ASTN2: variants seen among roughly 807,000 people sequenced by gnomAD.
The protein encoded by ASTN2 is astrotactin-2.
Under a neutral mutation model 139.8 loss-of-function variants are expected in ASTN2, and 54 were observed. The observed-to-expected ratio is 0.39, with a 90% CI of 0.31 to 0.48. ASTN2 has a LOEUF of 0.48. Among genes scored for constraint, ASTN2 ranks in the 20% least tolerant of loss-of-function variants. The pLI is 0.95. For synonymous variants in ASTN2, 756 were observed against 719.5 expected (o/e 1.05, Z -0.81); for missense variants, 1,565 against 1,725.1 (o/e 0.91, Z 1.64).
rs1278577095 is a variant in ASTN2 at position 116,659,460 on chromosome 9, GTTTTA to G, written c.2807-7672_2807-7668del. 1.2e-4 allele frequency among the ~76,000 whole-genome samples: 19 copies of G among 152,144 alleles called. No homozygotes were observed. In the South Asian group the frequency reaches 3.1e-3, roughly 25 times the overall value. On this transcript the variant is annotated intron_variant, in intron 16 of 22. Coordinates refer to ENST00000313400, the MANE Select transcript of ASTN2 (RefSeq NM_001365068.1). ...ACAGCCCCAAAGACAGTTGGTCTTT[GTTTTA>G]TTTTATTAATGTACACTTGATAGAT...
chr9:116,810,161 G>A (rs1204517819), intron 12 of ASTN2, among the ~76,000 whole-genome samples: 2 of 152,122 alleles, frequency 1.3e-5, no homozygotes, highest in African/African-American at 4.8e-5. Context: ...TCCTAATACA[G>A]CATCTTTATA....
intron 19 of ASTN2, among the ~76,000 whole-genome samples, chr9:116,523,686 G>C (rs1330116033): frequency 6.6e-6 from 1 of 152,126 alleles, no homozygotes; most frequent in Admixed American, 6.5e-5. Flanking sequence ...GCAAAGAAGA[G>C]GCTCTGAGGG....
At chr9:117,274,857 C>T in intron 2 of ASTN2, among the ~76,000 whole-genome samples, 1 of 152,186 alleles carries the variant, frequency 6.6e-6, no homozygotes, top group East Asian at 1.9e-4. Flanking sequence ...ACTCTTATAA[C>T]CCCAGATAAC....
chr9:116,444,866 C>T (rs1005221445), intron 20 of ASTN2, among the ~76,000 whole-genome samples: 3 of 152,100 alleles, frequency 2.0e-5, no homozygotes, highest in African/African-American at 7.2e-5. Context: ...AATGTAAGTG[C>T]ACTATGAGGT....
chr9:117,004,587 G>T (rs2132578134), intron 7 of ASTN2, among the ~76,000 whole-genome samples: 1 of 152,280 alleles, frequency 6.6e-6, no homozygotes, highest in East Asian at 1.9e-4. Flanking sequence ...CCATTGAGAG[G>T]TGAAGAAATC....
chr9:116,679,377 G>C (rs537587143), intron 16 of ASTN2, among the ~76,000 whole-genome samples: 1 of 152,242 alleles, frequency 6.6e-6, no homozygotes, highest in Admixed American at 6.5e-5. Context: ...AAGAAGCACT[G>C]TCAAATAGGA....
chr9:117,049,740 T>C (rs981597764), intron 5 of ASTN2, among the ~76,000 whole-genome samples: 2 of 152,024 alleles, frequency 1.3e-5, no homozygotes, highest in Non-Finnish European at 2.9e-5. Flanking sequence ...TAGAAGAAAA[T>C]AGAATTTTAA....
At chr9:117,140,130 T>C (rs1381542898) in intron 4 of ASTN2, among the ~76,000 whole-genome samples, 3 of 152,210 alleles carry the variant, frequency 2.0e-5, no homozygotes, top group Non-Finnish European at 2.9e-5. Flanking sequence ...GCATATATCA[T>C]TTAAGCTGTT....
chr9:116,762,323 C>T (rs1254578719), intron 13 of ASTN2, among the ~76,000 whole-genome samples: 1 of 152,160 alleles, frequency 6.6e-6, no homozygotes, highest in Non-Finnish European at 1.5e-5. Context: ...CTTCAGTTTC[C>T]ACATCTCTGA....
chr9:116,925,515 G>C (rs1036569305), intron 10 of ASTN2, among the ~76,000 whole-genome samples: 3 of 152,174 alleles, frequency 2.0e-5, no homozygotes, highest in Non-Finnish European at 4.4e-5. Flanking sequence ...ACATGCAGAT[G>C]TATGTGTGTA....
At chr9:116,480,987 C>G (rs1338202377) in intron 20 of ASTN2, among the ~76,000 whole-genome samples, 1 of 152,190 alleles carries the variant, frequency 6.6e-6, no homozygotes, top group Non-Finnish European at 1.5e-5. Flanking sequence ...ATTTGGTAAG[C>G]ACTGACAATG....
intron 20 of ASTN2, among the ~76,000 whole-genome samples, chr9:116,486,296 ATAAG>A (rs1192361410): frequency 9.8e-5 from 15 of 152,356 alleles, no homozygotes; most frequent in Middle Eastern, 3.4e-3. Flanking sequence ...TGTCTAGTGA[ATAAG>A]TAAATAAGTT....
At chr9:116,975,635 C>T (rs984203662) in intron 9 of ASTN2, among the ~76,000 whole-genome samples, 5 of 152,174 alleles carry the variant, frequency 3.3e-5, no homozygotes, top group African/African-American at 1.2e-4. Context: ...TTCCAGCAGT[C>T]CTGACATACA....
intron 1 of ASTN2, among the ~76,000 whole-genome samples, chr9:117,357,275 C>T (rs983836816): frequency 6.6e-6 from 1 of 151,970 alleles, no homozygotes; most frequent in Non-Finnish European, 1.5e-5. Flanking sequence ...CACAATTTTA[C>T]AATATTTTAA....
In ASTN2 at chr9:116,453,229, A is replaced by T. The variant is rs74586804; in HGVS notation, c.3498-10676T>A. 0.013 allele frequency among the ~76,000 whole-genome samples: 1,969 copies of T among 152,220 alleles called. 181 individuals carry two copies. In the South Asian group the frequency reaches 0.21, roughly 16 times the overall value. ...TGACTTTCTCCATTTCCTGTTTCTA[A>T]CATCTCTGAGAGTCTTAGTTTTCCT... On this transcript the variant is annotated intron_variant, in intron 20 of 22. Coordinates refer to ENST00000313400, the MANE Select transcript of ASTN2 (RefSeq NM_001365068.1).
chr9:117,162,316 T>C (rs1268551835), intron 3 of ASTN2, among the ~76,000 whole-genome samples: 1 of 152,022 alleles, frequency 6.6e-6, no homozygotes, highest in African/African-American at 2.4e-5. Context: ...TCAGGACTAC[T>C]CATGGAGCTT....
intron 4 of ASTN2, among the ~76,000 whole-genome samples, chr9:117,125,363 T>C (rs376904673): frequency 6.6e-6 from 1 of 152,304 alleles, no homozygotes; most frequent in African/African-American, 2.4e-5. Flanking sequence ...TGAGCCAAGA[T>C]ATTAAAAAAT....
At chr9:117,140,917 G>A (rs916416758) in intron 4 of ASTN2, among the ~76,000 whole-genome samples, 1 of 152,136 alleles carries the variant, frequency 6.6e-6, no homozygotes, top group African/African-American at 2.4e-5. Flanking sequence ...CTGTTATTCA[G>A]CCTGCTAAAA....
chr9:116,911,490 T>C (rs576961529), intron 10 of ASTN2, among the ~76,000 whole-genome samples: 106 of 152,326 alleles, frequency 7.0e-4, no homozygotes, highest in African/African-American at 2.5e-3. Context: ...AGAAAGAGGA[T>C]ATTAGTGGAA....
Sources: gnomAD v4.1 joint callset for allele counts (sites outside exome capture counted in the v4.1 genomes callset) on GRCh38, gnomAD v4.1.1 for gene constraint, MANE v1.5 for transcripts, NCBI Gene and HGNC (gene_info 2026-07-23, HGNC 2026-07-21) for gene names.